MAN1C1: variants seen among roughly 807,000 people sequenced by gnomAD.
MAN1C1 encodes the protein mannosidase alpha class 1C member 1, also known as mannosyl-oligosaccharide 1,2-alpha-mannosidase IC.
A neutral mutation model predicts 71.5 loss-of-function variants in MAN1C1; 49 were observed. The observed-to-expected ratio is 0.69, with a 90% CI of 0.54 to 0.87. MAN1C1 has a LOEUF of 0.87. MAN1C1 is among the 40% of genes least tolerant of loss of function. MAN1C1 has a pLI of 0.00. For missense variants in MAN1C1, 743 were observed against 835.0 expected (o/e 0.89, Z 1.36); for synonymous variants, 352 against 343.7 (o/e 1.02, Z -0.27).
rs374232685 is a variant in MAN1C1, at chr1:25,710,919, T to C, written c.637+24383T>C. On this transcript the variant is annotated intron_variant, in intron 2 of 11. Coordinates refer to ENST00000374332, the MANE Select transcript of MAN1C1 (RefSeq NM_020379.4). Reference sequence around the variant, plus strand: ...GGTCTTAGGGAAGGTCTCTCCCCTCTCTAGGCCTCGGGGTCCTCACTTGTT... The same window carrying C: ...GGTCTTAGGGAAGGTCTCTCCCCTCCCTAGGCCTCGGGGTCCTCACTTGTT... Among the ~76,000 whole-genome samples, 34 of 152,338 alleles carry C rather than the reference T, an allele frequency of 2.2e-4. 1 individual carries two copies. In the South Asian group the frequency reaches 3.7e-3, roughly 17 times the overall value.
chr1:25,638,753 C>T (rs2045498555), intron 1 of MAN1C1, among the ~76,000 whole-genome samples: 1 of 152,102 alleles, frequency 6.6e-6, no homozygotes, highest in African/African-American at 2.4e-5. Flanking sequence ...AGGATATTCC[C>T]CTGCATGTGC....
chr1:25,630,332 T>G (rs1188872290), intron 1 of MAN1C1, among the ~76,000 whole-genome samples: 1 of 152,204 alleles, frequency 6.6e-6, no homozygotes, highest in Non-Finnish European at 1.5e-5. Flanking sequence ...TCTGGTAATG[T>G]GATACCTCTA....
chr1:25,749,899 C>T (rs758461121), intron 4 of MAN1C1, among the ~76,000 whole-genome samples: 4 of 152,252 alleles, frequency 2.6e-5, no homozygotes, highest in Non-Finnish European at 2.9e-5. Context: ...CCAGGTCTCA[C>T]GGGGGCAGCA....
chr1:25,629,995 T>C (rs77543196), intron 1 of MAN1C1, among the ~76,000 whole-genome samples: 13,857 of 152,092 alleles, frequency 0.091, 1,420 homozygotes, highest in East Asian at 0.22. Context: ...GTTTTTCTGA[T>C]GTTATCTTTA....
At chr1:25,647,252 C>A (rs372554517) in intron 1 of MAN1C1, among the ~76,000 whole-genome samples, 17 of 152,210 alleles carry the variant, frequency 1.1e-4, no homozygotes, top group African/African-American at 3.9e-4. Flanking sequence ...TGAGCCCTCT[C>A]CAGTTTTTTG....
intron 3 of MAN1C1, 45 bp from the exon 4 acceptor site, chr1:25,749,210 C>T (rs1486815312): frequency 3.9e-6 from 6 of 1,545,252 alleles, no homozygotes; most frequent in Non-Finnish European, 5.3e-6. Context: ...GGGCCTGCAT[C>T]TTACAAGTGT....
intron 2 of MAN1C1, among the ~76,000 whole-genome samples, chr1:25,743,591 G>C (rs752512639): frequency 7.9e-5 from 12 of 152,238 alleles, no homozygotes; most frequent in Non-Finnish European, 1.8e-4. Flanking sequence ...CCAACCAAGA[G>C]AAGGATTCAG....
intron 2 of MAN1C1, among the ~76,000 whole-genome samples, chr1:25,738,702 T>C (rs1162308272): frequency 1.3e-5 from 2 of 152,196 alleles, no homozygotes; most frequent in Non-Finnish European, 2.9e-5. Context: ...GGCTGTTGGC[T>C]AGAACCTCAG....
chr1:25,676,801 T>C (rs984191825), intron 1 of MAN1C1, among the ~76,000 whole-genome samples: 2 of 152,164 alleles, frequency 1.3e-5, no homozygotes, highest in Admixed American at 6.5e-5. Flanking sequence ...CAGCCTTGTG[T>C]GTATGTGTGT....
chr1:25,744,330 T>C (rs1259467804), intron 2 of MAN1C1, among the ~76,000 whole-genome samples: 1 of 152,160 alleles, frequency 6.6e-6, no homozygotes, highest in Non-Finnish European at 1.5e-5. Context: ...CGGCAAAGGA[T>C]CAAGTCTGTT....
intron 7 of MAN1C1, 84 bp from the exon 8 acceptor site, chr1:25,771,573 G>A (rs1219428139): frequency 9.9e-7 from 1 of 1,012,062 alleles, no homozygotes; most frequent in Non-Finnish European, 1.5e-6. Flanking sequence ...CCGGGCCCCT[G>A]AGGTCAGGCG....
chr1:25,744,079 C>T lies in MAN1C1; in HGVS notation c.638-2589C>T, dbSNP rs1305829508. ...GAAGGGGTAGGGGCAGCAGGATCCC[C>T]CAGATTCTTCCAGGCCCTTCAAACG... On this transcript the variant is annotated intron_variant, in intron 2 of 11. Coordinates refer to ENST00000374332, the MANE Select transcript of MAN1C1 (RefSeq NM_020379.4). Among the ~76,000 whole-genome samples, 4 of 152,174 alleles carry T rather than the reference C, an allele frequency of 2.6e-5. No homozygotes were observed. In the East Asian group the frequency reaches 7.7e-4, roughly 29 times the overall value.
intron 2 of MAN1C1, among the ~76,000 whole-genome samples, chr1:25,717,460 C>T (rs1459118456): frequency 1.3e-5 from 2 of 152,136 alleles, no homozygotes; most frequent in Non-Finnish European, 2.9e-5. Context: ...GAGGTCAAGG[C>T]TGCTGTGATC....
At chr1:25,747,550 A>G (rs1227378586) in intron 3 of MAN1C1, among the ~76,000 whole-genome samples, 1 of 152,184 alleles carries the variant, frequency 6.6e-6, no homozygotes, top group Non-Finnish European at 1.5e-5. Context: ...GGGCTCCGGG[A>G]GTGCCAGGTC....
chr1:25,668,719 C>G (rs2045956760), intron 1 of MAN1C1, among the ~76,000 whole-genome samples: 1 of 152,048 alleles, frequency 6.6e-6, no homozygotes, highest in African/African-American at 2.4e-5. Flanking sequence ...TGATGCCCAG[C>G]TAATTTTTTT....
intron 6 of MAN1C1, among the ~76,000 whole-genome samples, chr1:25,763,012 A>G (rs1255210099): frequency 6.6e-6 from 1 of 152,012 alleles, no homozygotes; most frequent in Non-Finnish European, 1.5e-5. Context: ...TCACGCCTAT[A>G]ATCCCAGCAC....
At chr1:25,650,037 T>A (rs2124058170) in intron 1 of MAN1C1, among the ~76,000 whole-genome samples, 1 of 152,018 alleles carries the variant, frequency 6.6e-6, no homozygotes, top group East Asian at 1.9e-4. Context: ...CCTGGCTGAG[T>A]TGCCAAAGTT....
chr1:25,679,374 G>T (rs1179320538), intron 1 of MAN1C1, among the ~76,000 whole-genome samples: 1 of 152,140 alleles, frequency 6.6e-6, no homozygotes, highest in Admixed American at 6.5e-5. Context: ...TGGGGAACAG[G>T]CTTGGTGAGA....
At chr1:25,646,488 C>G (rs2045616306) in intron 1 of MAN1C1, 1 of 152,204 alleles carries the variant, frequency 6.6e-6, no homozygotes, top group Admixed American at 6.5e-5. Flanking sequence ...AAATGTACAA[C>G]TCAATGGCAC....
Sources: allele counts gnomAD v4.1 joint callset (sites outside exome capture counted in the v4.1 genomes callset), GRCh38; gene constraint gnomAD v4.1.1; transcripts MANE v1.5; gene names NCBI Gene and HGNC (gene_info 2026-07-23, HGNC 2026-07-21).